Variants in MED15 observed in about 807,000 individuals in gnomAD.
MED15 encodes mediator complex subunit 15.
MED15 carries 41 observed loss-of-function variants against 118.7 expected under a neutral mutation model. The observed-to-expected ratio is 0.35, with a 90% confidence interval of 0.27 to 0.45. The LOEUF (loss-of-function observed/expected upper bound fraction) is 0.45, where lower values mean the gene tolerates loss of function less well. Among genes scored for constraint, MED15 ranks in the 20% least tolerant of loss-of-function variants. The pLI, the probability that MED15 is intolerant of heterozygous loss-of-function variation, is 1.00. For synonymous variants in MED15, 436 were observed against 413.9 expected (o/e 1.05, Z -0.65); for missense variants, 740 against 1,025.5 (o/e 0.72, Z 3.80).
At chr22:20,569,649 G>C (rs1280858034) in intron 8 of MED15, among the ~76,000 whole-genome samples, 2 of 152,184 alleles carry the variant, frequency 1.3e-5, no homozygotes, top group African/African-American at 2.4e-5. Flanking sequence ...GAGGGAATCT[G>C]AGGTATTTGG....
At chr22:20,507,923 A>G in intron 1 of MED15, 177 bp downstream of exon 1, 1 of 1,449,398 alleles carries the variant, frequency 6.9e-7, no homozygotes, top group East Asian at 2.5e-5. Flanking sequence ...CCCGACATGG[A>G]CTGCTCGTTT....
At chr22:20,574,982 G>T (rs2056779105) in intron 8 of MED15, 131 bp from the exon 9 acceptor site, 4 of 1,382,084 alleles carry the variant, frequency 2.9e-6, no homozygotes, top group Admixed American at 1.8e-5. Context: ...CTCCCAGGCT[G>T]CCCCGAGCTG....
chr22:20,535,846 A>T (rs1386562572), intron 1 of MED15, among the ~76,000 whole-genome samples: 1 of 144,830 alleles, frequency 6.9e-6, no homozygotes, highest in Non-Finnish European at 1.5e-5. Context: ...GGCGTGAGCC[A>T]CCGTGCTCAG....
rs145350827 is a variant in MED15, at chr22:20,540,055, G to A, written c.156+2851G>A. 3.9e-3 allele frequency among the ~76,000 whole-genome samples: 595 copies of A among 151,964 alleles called. 5 individuals carry two copies. Among genetic ancestry groups the A allele is most frequent in the African/African-American group, 0.013 (556 of 41,408 alleles). On this transcript the variant is annotated intron_variant, in intron 2 of 17. Coordinates refer to ENST00000263205, the MANE Select transcript of MED15 (RefSeq NM_001003891.3). ...ATTTTTGTTTTTTTGAGACAGTCTC[G>A]CTCTGTCGGCCAGGCTGGAGTGCAG...
At chr22:20,555,971 C>T (rs138606029) in intron 5 of MED15, among the ~76,000 whole-genome samples, 2 of 152,340 alleles carry the variant, frequency 1.3e-5, no homozygotes, top group Non-Finnish European at 2.9e-5. Context: ...GATCTGCTCA[C>T]CTCGGCCTCC....
intron 5 of MED15, 144 bp from the exon 6 acceptor site, chr22:20,564,306 T>G: frequency 7.1e-7 from 1 of 1,401,278 alleles, no homozygotes. Flanking sequence ...TATCTTTCTG[T>G]CTGTGGTAAA....
intron 2 of MED15, among the ~76,000 whole-genome samples, chr22:20,543,423 G>T (rs1322629256): frequency 6.7e-6 from 1 of 150,334 alleles, no homozygotes; most frequent in Non-Finnish European, 1.5e-5. Context: ...TGTTGGCCAG[G>T]CTGGTCTTGA....
At chr22:20,534,680 A>G (rs959538277) in intron 1 of MED15, among the ~76,000 whole-genome samples, 7 of 152,182 alleles carry the variant, frequency 4.6e-5, no homozygotes, top group African/African-American at 1.7e-4. Context: ...GGGGCCTAGC[A>G]GCTATCGTCT....
At chr22:20,544,483 G>T (rs957519321) in intron 2 of MED15, among the ~76,000 whole-genome samples, 2 of 152,124 alleles carry the variant, frequency 1.3e-5, no homozygotes, top group African/African-American at 4.8e-5. Context: ...GGCTAACATG[G>T]TGAAACCCCC....
At chr22:20,525,590 A>G (rs1310153706) in intron 1 of MED15, among the ~76,000 whole-genome samples, 3 of 139,598 alleles carry the variant, frequency 2.1e-5, no homozygotes, top group African/African-American at 8.2e-5. Context: ...AGGCTGGAGT[A>G]CAGTGGCACG....
rs572832970 is a variant in MED15, at chr22:20,507,639, G to T, written c.-40G>T. 1.2e-6 allele frequency: 2 copies of T among 1,613,054 alleles called. No homozygotes were observed. Among genetic ancestry groups the T allele is most frequent in the Admixed American group, 1.7e-5 (1 of 60,006 alleles). On this transcript the variant is annotated 5_prime_UTR_variant, in exon 1 of 18. Coordinates refer to ENST00000263205, the MANE Select transcript of MED15 (RefSeq NM_001003891.3). Reference sequence around the variant, plus strand: ...CTGTGACTGAGGCGGCGGCGGTGGCGGCCAAGCGGGATACGGGCGGCGGGA... The same window carrying T: ...CTGTGACTGAGGCGGCGGCGGTGGCTGCCAAGCGGGATACGGGCGGCGGGA...
chr22:20,518,580 A>T (rs1271539683), intron 1 of MED15, among the ~76,000 whole-genome samples: 1 of 152,150 alleles, frequency 6.6e-6, no homozygotes, highest in Non-Finnish European at 1.5e-5. Flanking sequence ...AACTGAACAG[A>T]TTAACTATTT....
At chr22:20,551,339 T>C (rs2055767677) in intron 2 of MED15, 97 bp from the exon 3 acceptor site, 1 of 1,134,064 alleles carries the variant, frequency 8.8e-7, no homozygotes, top group Non-Finnish European at 1.3e-6. Context: ...CAGGATGGGC[T>C]TCAGCTCGGT....
chr22:20,552,713 A>G lies in MED15; in HGVS notation c.209-432A>G, dbSNP rs537643176. ...CAGCCTCAGTTTCCTCATCTAGGTA[A>G]CAGAGACACTGCCTCACCAGAGTGG... On this transcript the variant is annotated intron_variant, in intron 3 of 17. Coordinates refer to ENST00000263205, the MANE Select transcript of MED15 (RefSeq NM_001003891.3). 3.4e-3 allele frequency: 1,008 copies of G among 296,676 alleles called. 7 individuals carry two copies. Among genetic ancestry groups the G allele is most frequent in the Admixed American group, 7.3e-3 (147 of 20,200 alleles). 18.4% of individuals were successfully genotyped at this position (296,676 alleles called of 1,614,324 possible).
chr22:20,537,028 G>C, intron 1 of MED15, 89 bp from the exon 2 acceptor site: 1 of 1,193,346 alleles, frequency 8.4e-7, no homozygotes, highest in Non-Finnish European at 1.2e-6. Context: ...GTCACCAGGG[G>C]CAGCTGCTAT....
At chr22:20,527,933 G>C (rs764804828) in intron 1 of MED15, among the ~76,000 whole-genome samples, 37 of 149,378 alleles carry the variant, frequency 2.5e-4, no homozygotes, top group Non-Finnish European at 4.7e-4. Flanking sequence ...CTCCAGCCTG[G>C]GCGACAGAGC....
At position 20,575,127 on chromosome 22, in the gene MED15, C is replaced by T. The variant is rs1344272981; in HGVS notation, c.1167C>T (p.Ala389=). The part of the protein sequence containing the change: ...VAPGVQMITE[A]LAQGGMHIRA... The stretch of plus-strand genomic sequence containing the variant: ...TGTCCTCAAAGATGATCACGGAAGC[C>T]TTGGCCCAAGGTGGGATGCACATAA... Residue 389 remains alanine, a synonymous_variant, in exon 9 of 18, where the codon GCC becomes GCT. Transcript: ENST00000263205. The T allele has an allele frequency of 6.2e-7, 1 of 1,613,978 alleles. No homozygotes were observed. The highest frequency in any genetic ancestry group is 1.3e-5 in the African/African-American group (1 of 74,958).
At chr22:20,553,094 GTTAT>G (rs774505625) in intron 3 of MED15, 47 bp from the exon 4 acceptor site, 1 of 1,551,742 alleles carries the variant, frequency 6.4e-7, no homozygotes. Flanking sequence ...GAAATATGTG[GTTAT>G]ATAAAACTAT....
At chr22:20,508,347 G>A in intron 1 of MED15, 2 of 1,304,274 alleles carry the variant, frequency 1.5e-6, no homozygotes, top group Non-Finnish European at 1.0e-6. Context: ...CAGTGGCCCC[G>A]CTCAGAGGAA....
Sources: gnomAD v4.1 joint callset for allele counts (sites outside exome capture counted in the v4.1 genomes callset) on GRCh38, gnomAD v4.1.1 for gene constraint, MANE v1.5 for transcripts, NCBI Gene and HGNC (gene_info 2026-07-23, HGNC 2026-07-21) for gene names.